ZFHX3: variants seen among roughly 807,000 people sequenced by gnomAD.
ZFHX3 encodes zinc finger homeobox 3.
ZFHX3 carries 42 observed loss-of-function variants against 279.1 expected under a neutral mutation model. That is an observed-to-expected ratio of 0.15 (90% CI 0.12 to 0.19). The LOEUF (loss-of-function observed/expected upper bound fraction) is 0.19, where lower values mean the gene tolerates loss of function less well. Ranked by LOEUF, ZFHX3 falls within the 10% of genes least tolerant of loss-of-function variation. The pLI, the probability that ZFHX3 is intolerant of heterozygous loss-of-function variation, is 1.00. For missense variants in ZFHX3, 4,981 were observed against 4,754.0 expected, an observed-to-expected ratio of 1.05 and a Z score of -1.40; for synonymous variants, 2,293 against 1,957.8, an observed-to-expected ratio of 1.17 and a Z score of -4.52.
At chr16:73,745,195 G>C (rs981582349) in intron 1 of ZFHX3, among the ~76,000 whole-genome samples, 3 of 152,132 alleles carry the variant, frequency 2.0e-5, no homozygotes, top group Non-Finnish European at 4.4e-5. Flanking sequence ...ATATTTGAGA[G>C]ACCTTTTTCC....
At chr16:73,647,454 T>G (rs1180890291) in intron 2 of ZFHX3, among the ~76,000 whole-genome samples, 1 of 152,166 alleles carries the variant, frequency 6.6e-6, no homozygotes, top group African/African-American at 2.4e-5. Flanking sequence ...TTTAAAAGTA[T>G]GCGGCACTTA....
In ZFHX3 at chr16:72,784,979, A is replaced by T. The variant is rs2035297216; in HGVS notation, c.*2185T>A. The T allele has an allele frequency of 6.6e-6, 1 of 152,624 alleles. No individual in the cohort carries two copies. The highest frequency in any genetic ancestry group is 2.4e-5 in the African/African-American group (1 of 41,460). The allele number at this position is 152,624 out of a possible 1,614,324, so 9.5% of individuals were successfully genotyped here. Reference sequence around the variant, plus strand: ...AATGCTCCAGTCTTTTGCAAAGTCGATGAGTGGCTTCAGCACTGGGGAAAG... The same window carrying T: ...AATGCTCCAGTCTTTTGCAAAGTCGTTGAGTGGCTTCAGCACTGGGGAAAG... On this transcript the variant is annotated 3_prime_UTR_variant, in exon 10 of 10. Coordinates refer to ENST00000268489, the MANE Select transcript of ZFHX3 (RefSeq NM_006885.4).
chr16:73,133,775 C>T (rs1966739427), intron 6 of ZFHX3, among the ~76,000 whole-genome samples: 1 of 152,200 alleles, frequency 6.6e-6, no homozygotes, highest in Non-Finnish European at 1.5e-5. Context: ...TTTTCTCCAT[C>T]TCCAGATCCC....
At chr16:73,782,607 C>T (rs69180) in intron 1 of ZFHX3, among the ~76,000 whole-genome samples, 2,163 of 152,208 alleles carry the variant, frequency 0.014, 48 homozygotes, top group African/African-American at 0.049. Context: ...CTGTGGCTCC[C>T]CTTGTGGTTA....
intron 6 of ZFHX3, among the ~76,000 whole-genome samples, chr16:73,132,921 C>T (rs867445961): frequency 3.1e-4 from 47 of 152,292 alleles, no homozygotes; most frequent in African/African-American, 9.9e-4. Flanking sequence ...TCGGTTTGGC[C>T]GATCGTGATG....
At chr16:72,854,516 T>C (rs2037700806) in intron 4 of ZFHX3, among the ~76,000 whole-genome samples, 1 of 152,172 alleles carries the variant, frequency 6.6e-6, no homozygotes, top group Non-Finnish European at 1.5e-5. Context: ...GCCACTCCCA[T>C]TCTGGCTCTT....
chr16:73,251,712 TACACACCACACACGCACACACC>T (rs2013495625), intron 5 of ZFHX3, among the ~76,000 whole-genome samples: 1 of 108,142 alleles, frequency 9.2e-6, no homozygotes, highest in Non-Finnish European at 2.0e-5. Context: ...CACACACACA[TACACACCACACACGCACACACC>T]ATGCACACAC....
chr16:73,458,999 G>A (rs2018425336), intron 2 of ZFHX3, among the ~76,000 whole-genome samples: 1 of 152,176 alleles, frequency 6.6e-6, no homozygotes, highest in African/African-American at 2.4e-5. Flanking sequence ...TGCTTTTAAC[G>A]TCTCACTTTC....
chr16:73,023,476 T>C (rs1964383612), intron 1 of ZFHX3, among the ~76,000 whole-genome samples: 2 of 151,990 alleles, frequency 1.3e-5, no homozygotes, highest in African/African-American at 4.8e-5. Flanking sequence ...GTGAATAAGA[T>C]AAGCACAGCA....
At chr16:73,775,618 T>G (rs1310582009) in intron 1 of ZFHX3, among the ~76,000 whole-genome samples, 2 of 152,096 alleles carry the variant, frequency 1.3e-5, no homozygotes, top group Admixed American at 1.3e-4. Flanking sequence ...CCTCTAACAC[T>G]GATGAAAATA....
chr16:73,789,964 C>T (rs1567411379), intron 1 of ZFHX3, among the ~76,000 whole-genome samples: 1 of 152,110 alleles, frequency 6.6e-6, no homozygotes, highest in Non-Finnish European at 1.5e-5. Flanking sequence ...TTTATTATCG[C>T]ATTGCACTCT....
At chr16:72,922,391 T>C (rs1031298323) in intron 3 of ZFHX3, among the ~76,000 whole-genome samples, 3 of 152,174 alleles carry the variant, frequency 2.0e-5, no homozygotes, top group Non-Finnish European at 4.4e-5. Flanking sequence ...CTCTGTCACT[T>C]GTTAGTTCTC....
chr16:73,156,681 A>G (rs1302535711), intron 5 of ZFHX3, among the ~76,000 whole-genome samples: 9 of 151,736 alleles, frequency 5.9e-5, no homozygotes, highest in Non-Finnish European at 2.9e-5. Context: ...TTAGTCTCCC[A>G]AGTAGCTGGG....
chr16:72,976,496 T>C (rs767736570), intron 1 of ZFHX3, among the ~76,000 whole-genome samples: 5 of 152,170 alleles, frequency 3.3e-5, no homozygotes, highest in Non-Finnish European at 7.3e-5. Context: ...ATTTATTGAG[T>C]GCCTACAACA....
At chr16:72,847,699 G>C (rs2037513873) in intron 4 of ZFHX3, among the ~76,000 whole-genome samples, 1 of 151,922 alleles carries the variant, frequency 6.6e-6, no homozygotes, top group South Asian at 2.1e-4. Flanking sequence ...ACCCAACAGG[G>C]ACACCCCAAA....
At chr16:73,360,819 G>A (rs1005331294) in intron 3 of ZFHX3, among the ~76,000 whole-genome samples, 1 of 152,120 alleles carries the variant, frequency 6.6e-6, no homozygotes, top group South Asian at 2.1e-4. Context: ...CTTACATTAA[G>A]TCTTTGCAAG....
chr16:73,722,903 GA>G (rs1463051833), intron 1 of ZFHX3, among the ~76,000 whole-genome samples: 8 of 152,268 alleles, frequency 5.3e-5, no homozygotes, highest in African/African-American at 1.9e-4. Flanking sequence ...CAGACAGGTG[GA>G]ATTGGATGGT....
intron 5 of ZFHX3, among the ~76,000 whole-genome samples, chr16:73,163,290 G>A (rs191926170): frequency 2.0e-5 from 3 of 152,306 alleles, no homozygotes; most frequent in East Asian, 1.9e-4. Flanking sequence ...AATGAGTCCT[G>A]TCTCCAAGGT....
intron 1 of ZFHX3, chr16:72,973,864 CTT>C (rs1314748591): frequency 2.0e-5 from 3 of 152,076 alleles, no homozygotes. Context: ...CAGAGTAAGA[CTT>C]TGTCTCCAAA....
Sources: allele counts gnomAD v4.1 joint callset (sites outside exome capture counted in the v4.1 genomes callset), GRCh38; gene constraint gnomAD v4.1.1; transcripts MANE v1.5; gene names NCBI Gene and HGNC (gene_info 2026-07-23, HGNC 2026-07-21).